Variants in TDRD12 observed in about 807,000 individuals in gnomAD.
TDRD12 encodes tudor domain containing 12, also known as putative ATP-dependent RNA helicase TDRD12.
In TDRD12, 158 loss-of-function variants were observed where a neutral mutation model predicts 133.5. That is an observed-to-expected ratio of 1.18 (90% confidence interval 1.04 to 1.35). The LOEUF (loss-of-function observed/expected upper bound fraction) is 1.35. Ranked by LOEUF, TDRD12 falls within the 40% of genes most tolerant of loss-of-function variation. The probability of loss-of-function intolerance (pLI) is 0.00; values close to 1 mark genes in which losing one functional copy is unlikely to be tolerated. For missense variants in TDRD12, 1,443 were observed against 1,321.3 expected (o/e 1.09, Z -1.43); for synonymous variants, 460 against 477.9 (o/e 0.96, Z 0.49).
In TDRD12 at chr19:32,806,651, C is replaced by CTTTATTTA. The variant is rs563231946; in HGVS notation, c.2553-881_2553-874dup. On this transcript the variant is annotated intron_variant, in intron 21 of 27. Transcript: ENST00000444215. ...GCCACCGTCCCCAGCCAAATACTGA[C>CTTTATTTA]TTTATTTATTTATTTATTTATTTAG... Among the ~76,000 whole-genome samples the CTTTATTTA allele has an allele frequency of 5.6e-3, 838 of 150,732 alleles. 9 individuals carry two copies. The highest frequency in any genetic ancestry group is 0.019 in the African/African-American group (790 of 40,966).
At chr19:32,799,721 T>C (rs1971329858) in intron 16 of TDRD12, among the ~76,000 whole-genome samples, 1 of 147,352 alleles carries the variant, frequency 6.8e-6, no homozygotes, top group Non-Finnish European at 1.5e-5. Flanking sequence ...TCCTATTTAG[T>C]TTTTGCCTTT....
At chr19:32,791,403 C>T (rs900753664) in intron 13 of TDRD12, among the ~76,000 whole-genome samples, 1 of 151,958 alleles carries the variant, frequency 6.6e-6, no homozygotes. Flanking sequence ...ATGCACTCCC[C>T]GACCGTTCTT....
At chr19:32,720,090 G>T in exon 1 of TDRD12, 6 of 1,548,240 alleles carry the variant, frequency 3.9e-6, no homozygotes, top group Non-Finnish European at 5.2e-6. Flanking sequence ...AGCTCCTGGT[G>T]CTGAAGGTGA....
At position 32,800,239 on chromosome 19, in the gene TDRD12, G is replaced by GT. The variant is rs1386899489; in HGVS notation, c.1833dup (p.Ala612CysfsTer20). 1 of 1,535,148 alleles carries GT rather than the reference G, an allele frequency of 6.5e-7. No homozygotes were observed. Among genetic ancestry groups the GT allele is most frequent in the Admixed American group, 2.0e-5 (1 of 50,844 alleles). ...AAGGGAATCTGCACCACATCAGATT[G>GT]TTGCAGTTGGAGTTCATTGGAACAA... is the stretch of plus-strand genomic sequence containing the variant. On this transcript the variant is annotated frameshift_variant, in exon 17 of 28. Coordinates refer to ENST00000444215, the Ensembl canonical transcript of TDRD12. LOFTEE classifies it high-confidence loss of function.
At chr19:32,816,982 G>A (rs989275158) in intron 26 of TDRD12, among the ~76,000 whole-genome samples, 4 of 152,086 alleles carry the variant, frequency 2.6e-5, no homozygotes, top group African/African-American at 9.7e-5. Flanking sequence ...ACCAGAGAGG[G>A]GAATGAGAGA....
chr19:32,747,899 T>TGAGATG lies in TDRD12; in HGVS notation c.441-577_441-576insGAGATG, dbSNP rs1969701642. ...GTGTGGTGGGGCACACCTGTAGTCC[T>TGAGATG]AGCTACTCAGGAGGCTGAGATGAGA... On this transcript the variant is annotated intron_variant, in intron 4 of 27. Transcript: ENST00000444215. Among the ~76,000 whole-genome samples the TGAGATG allele has an allele frequency of 3.3e-5, 5 of 152,080 alleles. No individual in the cohort carries two copies. In the South Asian group the frequency reaches 8.3e-4, roughly 25 times the overall value.
At chr19:32,791,123 G>A in intron 13 of TDRD12, 55 bp downstream of exon 13, 1 of 1,488,702 alleles carries the variant, frequency 6.7e-7, no homozygotes, top group Non-Finnish European at 8.9e-7. Context: ...TTCTAATAGA[G>A]AAGGATTTTG....
intron 2 of TDRD12, among the ~76,000 whole-genome samples, chr19:32,737,513 T>C (rs971689694): frequency 5.3e-5 from 8 of 151,658 alleles, no homozygotes; most frequent in Admixed American, 4.6e-4. Flanking sequence ...CCCAGGTAGT[T>C]TATTTTTAAA....
At chr19:32,740,017 TACTCTCTGCATCTCCTGGGC>T (rs1969366691) in intron 3 of TDRD12, among the ~76,000 whole-genome samples, 3 of 99,188 alleles carry the variant, frequency 3.0e-5, no homozygotes, top group Non-Finnish European at 4.1e-5. Context: ...ATCTCCTGGG[TACTCTCTGCATCTCCTGGGC>T]ACTCTCTGCA....
intron 14 of TDRD12, among the ~76,000 whole-genome samples, chr19:32,795,202 G>T (rs1568482767): frequency 1.3e-5 from 2 of 151,972 alleles, no homozygotes; most frequent in Admixed American, 1.3e-4. Flanking sequence ...GGGCATGGTG[G>T]CATGCCTGTA....
intron 3 of TDRD12, among the ~76,000 whole-genome samples, chr19:32,740,343 C>CTCTGCATCTCCTGGGTGCTG (rs1568451334): frequency 7.2e-6 from 1 of 138,018 alleles, no homozygotes; most frequent in Admixed American, 7.3e-5. Context: ...CCTGGGTGCT[C>CTCTGCATCTCCTGGGTGCTG]TCTGCATCTC....
chr19:32,792,100 G>A lies in TDRD12; in HGVS notation c.1287+1032G>A, dbSNP rs367868556. On this transcript the variant is annotated intron_variant, in intron 13 of 27. Transcript: ENST00000444215. ...GTCTCTACTAAAAATACAAAAATTC[G>A]CCAGGCATGGTGGTACATGCCTGTA... Among the ~76,000 whole-genome samples the A allele has an allele frequency of 1.5e-3, 228 of 152,116 alleles. 4 individuals carry two copies. Among genetic ancestry groups the A allele is most frequent in the South Asian group, 0.01 (49 of 4,816 alleles).
chr19:32,798,278 G>T, intron 15 of TDRD12, 30 bp from the exon 16 acceptor site: 2 of 1,515,352 alleles, frequency 1.3e-6, no homozygotes, highest in Non-Finnish European at 1.8e-6. Flanking sequence ...GTGGAAAATT[G>T]AAAATGTTCA....
rs181944703 is a variant in TDRD12, at chr19:32,752,854, G to A, written c.582+2985G>A. On this transcript the variant is annotated intron_variant, in intron 6 of 27. Coordinates refer to ENST00000444215, the Ensembl canonical transcript of TDRD12. ...GTCGCTCAGGCTGGAGTGCACTGGC[G>A]CGATCTCGGCTCACTGCAAGCTCCA... 1.7e-3 allele frequency among the ~76,000 whole-genome samples: 242 copies of A among 146,310 alleles called. 1 individual carries two copies. The highest frequency in any genetic ancestry group is 1.5e-3 in the Non-Finnish European group (98 of 67,156).
intron 11 of TDRD12, among the ~76,000 whole-genome samples, chr19:32,778,389 A>G (rs76103972): frequency 0.023 from 3,458 of 152,204 alleles, 138 homozygotes; most frequent in African/African-American, 0.08. Flanking sequence ...TTGCTGTCAC[A>G]GTCGTTATTT....
intron 11 of TDRD12, among the ~76,000 whole-genome samples, chr19:32,783,913 G>A: frequency 6.6e-6 from 1 of 152,128 alleles, no homozygotes; most frequent in South Asian, 2.1e-4. Flanking sequence ...TGCAAACAGG[G>A]GCAATTTGAC....
intron 21 of TDRD12, among the ~76,000 whole-genome samples, chr19:32,806,408 T>C (rs1415103070): frequency 6.6e-6 from 1 of 150,726 alleles, no homozygotes; most frequent in Admixed American, 6.6e-5. Flanking sequence ...AATGGCGTGA[T>C]CTCAGCTCAC....
intron 8 of TDRD12, among the ~76,000 whole-genome samples, chr19:32,759,209 G>T (rs1478985292): frequency 6.6e-6 from 1 of 152,172 alleles, no homozygotes; most frequent in Non-Finnish European, 1.5e-5. Context: ...AGACTCTTTT[G>T]CATTGAAGGT....
chr19:32,811,300 C>T (rs1331217930), exon 24 of TDRD12: 90 of 1,535,928 alleles, frequency 5.9e-5, no homozygotes, highest in Non-Finnish European at 6.9e-5. Flanking sequence ...GGACGGGGCT[C>T]GTCACAAGGG....
Sources: allele counts gnomAD v4.1 joint callset (sites outside exome capture counted in the v4.1 genomes callset), GRCh38; gene constraint gnomAD v4.1.1; transcripts MANE v1.5; gene names NCBI Gene and HGNC (gene_info 2026-07-23, HGNC 2026-07-21).